APOBEC3H: variants seen among roughly 807,000 people sequenced by gnomAD.
APOBEC3H encodes the protein apolipoprotein B mRNA editing enzyme catalytic subunit 3H.
A neutral mutation model predicts 21.2 loss-of-function variants in APOBEC3H; 8 were observed. The ratio of observed to expected loss-of-function variants is 0.38; its 90% CI spans 0.22 to 0.68. The LOEUF (loss-of-function observed/expected upper bound fraction) is 0.68, where lower values mean the gene tolerates loss of function less well. Ranked by LOEUF, APOBEC3H falls within the 30% of genes least tolerant of loss-of-function variation. The pLI, the probability that APOBEC3H is intolerant of heterozygous loss-of-function variation, is 0.52. For synonymous variants in APOBEC3H, 88 were observed against 91.0 expected (o/e 0.97, Z 0.19); for missense variants, 229 against 228.1 (o/e 1.00, Z -0.03).
In APOBEC3H at chr22:39,100,917, C is replaced by T. The variant is rs6001432; in HGVS notation, c.151-320C>T. On this transcript the variant is annotated intron_variant, in intron 2 of 4. Coordinates refer to ENST00000442487, the MANE Select transcript of APOBEC3H (RefSeq NM_181773.5). ...CTAGGCGGGTGTCCAAAGGCAGGGT[C>T]CACAGAGCTTCGGGACTGGGGCGTG... 8.6e-3 allele frequency among the ~76,000 whole-genome samples: 1,305 copies of T among 152,114 alleles called. 19 individuals are homozygous for T. Among genetic ancestry groups the T allele is most frequent in the African/African-American group, 0.03 (1,227 of 41,494 alleles).
In APOBEC3H at chr22:39,103,850, G is replaced by A; in HGVS notation, c.*153G>A. On this transcript the variant is annotated 3_prime_UTR_variant, in exon 5 of 5. Transcript: ENST00000442487. ...GTAAGCAAGCACTAAGCTCCACAGT[G>A]CCAGTTCCTTGCCCCAACCTGGCCC... The A allele has an allele frequency of 1.0e-6, 1 of 972,528 alleles. No homozygotes were observed. Among genetic ancestry groups the A allele is most frequent in the Middle Eastern group, 2.1e-4 (1 of 4,728 alleles). 60.2% of individuals were successfully genotyped at this position (972,528 alleles called of 1,614,324 possible). A position where few individuals can be genotyped will look rare whatever the true frequency, so the allele number is the denominator to read the frequency against.
At chr22:39,098,969 G>A (rs1169459417) in intron 1 of APOBEC3H, among the ~76,000 whole-genome samples, 1 of 152,136 alleles carries the variant, frequency 6.6e-6, no homozygotes, top group Non-Finnish European at 1.5e-5. Flanking sequence ...CGAGGTGGGT[G>A]GATCACCTGA....
chr22:39,101,544 CG>C, intron 3 of APOBEC3H, 40 bp downstream of exon 3: 1 of 852,502 alleles, frequency 1.2e-6, no homozygotes, highest in Admixed American at 2.2e-5. Flanking sequence ...TGCAAACCCC[CG>C]GGGGCACAGG....
intron 1 of APOBEC3H, among the ~76,000 whole-genome samples, chr22:39,099,554 G>A (rs1929180741): frequency 1.3e-5 from 2 of 152,226 alleles, no homozygotes; most frequent in African/African-American, 4.8e-5. Context: ...ACTCAGGCCA[G>A]AGGCGTGTGA....
At chr22:39,098,703 C>T (rs898366721) in intron 1 of APOBEC3H, among the ~76,000 whole-genome samples, 3 of 152,144 alleles carry the variant, frequency 2.0e-5, no homozygotes, top group African/African-American at 7.2e-5. Flanking sequence ...GCCCTGCTGC[C>T]CCTGCCAGCA....
Position 39,101,570 on chromosome 22 carries a change from G to A in APOBEC3H, c.418+66G>A, listed in dbSNP as rs1265639667. On this transcript the variant is annotated intron_variant, in intron 3 of 4. Coordinates refer to ENST00000442487, the MANE Select transcript of APOBEC3H (RefSeq NM_181773.5). ...GGGGGCACAGGCTTGGCAGGGGCTG[G>A]GGGTTGGGGGTTGGGGGTTGGAGGA... 1.5e-5 allele frequency: 16 copies of A among 1,073,588 alleles called. 1 individual carries two copies. The highest frequency in any genetic ancestry group is 3.1e-5 in the East Asian group (1 of 32,438). The allele number at this position is 1,073,588 out of a possible 1,614,324, so 66.5% of individuals were successfully genotyped here.
intron 2 of APOBEC3H, chr22:39,100,644 C>A: frequency 3.4e-6 from 2 of 590,226 alleles, no homozygotes; most frequent in Non-Finnish European, 2.9e-6. Flanking sequence ...GTCCCCGGAC[C>A]TCTGAAGAGG....
At position 39,103,796 on chromosome 22, in the gene APOBEC3H, T is replaced by A; in HGVS notation, c.*99T>A. The stretch of plus-strand genomic sequence containing the variant: ...ACTCAAGATGACTTTCCCTGGGGCA[T>A]GTCAGTTGCCTCATAGCCTGCTGGT... On this transcript the variant is annotated 3_prime_UTR_variant, in exon 5 of 5. Coordinates refer to ENST00000442487, the MANE Select transcript of APOBEC3H (RefSeq NM_181773.5). 6.8e-7 allele frequency: 1 copy of A among 1,469,044 alleles called. No homozygotes were observed. Among genetic ancestry groups the A allele is most frequent in the Non-Finnish European group, 9.5e-7 (1 of 1,048,070 alleles). 91.0% of individuals were successfully genotyped at this position (1,469,044 alleles called of 1,614,324 possible).
intron 4 of APOBEC3H, among the ~76,000 whole-genome samples, chr22:39,103,295 A>T (rs1350640832): frequency 1.3e-5 from 2 of 152,240 alleles, no homozygotes; most frequent in Admixed American, 6.5e-5. Flanking sequence ...TAAAAAAATA[A>T]TAATAACCCA....
chr22:39,097,536 C>T (rs60758775), intron 1 of APOBEC3H, among the ~76,000 whole-genome samples, 193 bp downstream of exon 1: 13,838 of 152,176 alleles, frequency 0.091, 1,331 homozygotes, highest in African/African-American at 0.24. Flanking sequence ...TGCTTCTGAA[C>T]GGGCCGCCTC....
At chr22:39,099,631 T>A (rs1020385300) in intron 1 of APOBEC3H, among the ~76,000 whole-genome samples, 1 of 152,106 alleles carries the variant, frequency 6.6e-6, no homozygotes, top group African/African-American at 2.4e-5. Flanking sequence ...AGGCAGGGGA[T>A]CCCCACCCAA....
At position 39,103,835 on chromosome 22, in the gene APOBEC3H, A is replaced by C. The variant is rs1001423332; in HGVS notation, c.*138A>C. 2 of 1,098,172 alleles carry C rather than the reference A, an allele frequency of 1.8e-6. No individual in the cohort carries two copies. The highest frequency in any genetic ancestry group is 3.1e-5 in the African/African-American group (2 of 64,478). 68.0% of individuals were successfully genotyped at this position (1,098,172 alleles called of 1,614,324 possible). A position where few individuals can be genotyped will look rare whatever the true frequency, so the allele number is the denominator to read the frequency against. On this transcript the variant is annotated 3_prime_UTR_variant, in exon 5 of 5. Transcript: ENST00000442487. ...TAGCCTGCTGGTCCTGTAAGCAAGCACTAAGCTCCACAGTGCCAGTTCCTT... is the reference window on the plus strand; with the variant it reads ...TAGCCTGCTGGTCCTGTAAGCAAGCCCTAAGCTCCACAGTGCCAGTTCCTT...
intron 1 of APOBEC3H, among the ~76,000 whole-genome samples, chr22:39,098,990 G>A (rs1038559197): frequency 1.3e-5 from 2 of 152,124 alleles, no homozygotes; most frequent in Non-Finnish European, 2.9e-5. Flanking sequence ...GGTCAAAGGA[G>A]TTCAAGACCA....
At position 39,103,746 on chromosome 22, in the gene APOBEC3H, G is replaced by C. The variant is rs766678949; in HGVS notation, c.*49G>C. 1 of 1,607,922 alleles carries C rather than the reference G, an allele frequency of 6.2e-7. No homozygotes were observed. Among genetic ancestry groups the C allele is most frequent in the Non-Finnish European group, 8.5e-7 (1 of 1,174,382 alleles). On this transcript the variant is annotated 3_prime_UTR_variant, in exon 5 of 5. Transcript: ENST00000442487. ...CTTAAGAAGTTTGCAGCTTGGACCC[G>C]TATCCCACTCATTATCAAGAAGCAA... is the stretch of plus-strand genomic sequence containing the variant.
rs1325978240 is a variant in APOBEC3H, at chr22:39,101,381, C to T, written c.295C>T (p.His99Tyr). The change falls in exon 3 of 5, where the codon CAC (histidine) becomes TAC (tyrosine). Residue 99 changes from histidine (H) to tyrosine (Y), a missense_variant. Transcript: ENST00000442487. Reference sequence around the variant, plus strand: ...GGAGCTGGTTGACTTCATCAAGGCTCACGACCATCTGAACCTGGGCATCTT... The same window carrying T: ...GGAGCTGGTTGACTTCATCAAGGCTTACGACCATCTGAACCTGGGCATCTT... ...AWELVDFIKA[H>Y]DHLNLGIFAS... 1.2e-6 allele frequency: 2 copies of T among 1,612,670 alleles called. No individual in the cohort carries two copies. Among genetic ancestry groups the T allele is most frequent in the Admixed American group, 1.7e-5 (1 of 59,806 alleles).
intron 4 of APOBEC3H, among the ~76,000 whole-genome samples, chr22:39,102,795 C>G (rs908089492): frequency 6.6e-6 from 1 of 151,612 alleles, no homozygotes; most frequent in African/African-American, 2.4e-5. Context: ...GTCAGGAGTT[C>G]GAGACTAGCC....
chr22:39,102,033 G>C lies in APOBEC3H; in HGVS notation c.534G>C (p.Glu178Asp), dbSNP rs139302. 0.47 allele frequency: 760,576 copies of C among 1,610,556 alleles called. 186,293 individuals are homozygous for C. Among genetic ancestry groups the C allele is most frequent in the African/African-American group, 0.8 (59,710 of 74,750 alleles). ...GTCGAGCCATAAAGCGACGGCTTGA[G>C]AGGATAAAGGTGAGGCACTGTCCTG... ...KNSRAIKRRL[E>D]RIKQS is the part of the protein sequence containing the mutation. Residue 178 changes from glutamate (E) to aspartate (D), a missense_variant, in exon 4 of 5, where the codon GAG becomes GAC. By Grantham distance (45) the Glu-to-Asp change is conservative. Coordinates refer to ENST00000442487, the MANE Select transcript of APOBEC3H (RefSeq NM_181773.5).
At chr22:39,102,155 C>A (rs896495342) in intron 4 of APOBEC3H, 113 bp downstream of exon 4, 1 of 1,428,896 alleles carries the variant, frequency 7.0e-7, no homozygotes, top group Non-Finnish European at 9.2e-7. Context: ...CTTTTCTTTT[C>A]TTTTCTTTTT....
At chr22:39,098,919 C>A (rs926046104) in intron 1 of APOBEC3H, among the ~76,000 whole-genome samples, 1 of 152,142 alleles carries the variant, frequency 6.6e-6, no homozygotes, top group East Asian at 1.9e-4. Context: ...CCTGGCGGGG[C>A]GCGGTGGCTC....
Sources: allele counts gnomAD v4.1 joint callset (sites outside exome capture counted in the v4.1 genomes callset), GRCh38; gene constraint gnomAD v4.1.1; transcripts MANE v1.5; gene names NCBI Gene and HGNC (gene_info 2026-07-23, HGNC 2026-07-21).